Variants in PPP2R3A observed in about 807,000 individuals in gnomAD.
PPP2R3A encodes protein phosphatase 2 regulatory subunit B''alpha, also known as serine/threonine-protein phosphatase 2A regulatory subunit B'' subunit alpha.
A neutral mutation model predicts 106.9 loss-of-function variants in PPP2R3A; 80 were observed. The ratio of observed to expected loss-of-function variants is 0.75; its 90% CI spans 0.62 to 0.90. The LOEUF (loss-of-function observed/expected upper bound fraction) is 0.90, where lower values mean the gene tolerates loss of function less well. Ranked by LOEUF, PPP2R3A falls within the 40% of genes least tolerant of loss-of-function variation. The pLI, the probability that PPP2R3A is intolerant of heterozygous loss-of-function variation, is 0.00. For synonymous variants in PPP2R3A, 483 were observed against 468.3 expected (o/e 1.03, Z -0.41); for missense variants, 1,386 against 1,350.4 (o/e 1.03, Z -0.41).
At chr3:136,131,613 C>T (rs1938420188) in intron 13 of PPP2R3A, among the ~76,000 whole-genome samples, 1 of 152,156 alleles carries the variant, frequency 6.6e-6, no homozygotes, top group Admixed American at 6.5e-5. Context: ...GGCGATTCCT[C>T]AACGATCTAG....
chr3:136,093,905 T>C (rs1219224734), intron 10 of PPP2R3A, among the ~76,000 whole-genome samples: 1 of 152,222 alleles, frequency 6.6e-6, no homozygotes, highest in Non-Finnish European at 1.5e-5. Flanking sequence ...TCAAGATATA[T>C]GAAAACATGT....
At position 136,106,224 on chromosome 3, in the gene PPP2R3A, G is replaced by C. The variant is rs372174514; in HGVS notation, c.3231G>C (p.Glu1077Asp). ...GTCTTCTTTCCAATCAGGATGTTGA[G>C]AACGATGGGCCTGAGCCCTCAGACT... is the stretch of plus-strand genomic sequence containing the variant. ...RDPFAVQKDV[E>D]NDGPEPSDWD... The change falls in exon 13 of 14, where the codon GAG becomes GAC. Residue 1077 changes from glutamate (E) to aspartate (D), a missense_variant. Transcript: ENST00000264977. 2 of 1,603,800 alleles carry C rather than the reference G, an allele frequency of 1.2e-6. No homozygotes were observed. Among genetic ancestry groups the C allele is most frequent in the African/African-American group, 2.7e-5 (2 of 74,074 alleles).
chr3:136,060,039 C>T (rs1472553190), intron 5 of PPP2R3A, among the ~76,000 whole-genome samples: 1 of 152,080 alleles, frequency 6.6e-6, no homozygotes, highest in African/African-American at 2.4e-5. Flanking sequence ...GTTAATGGGC[C>T]TAATACCTGG....
At position 135,970,844 on chromosome 3, in the gene PPP2R3A, G is replaced by T. The variant is rs139804685; in HGVS notation, c.-441+4995G>T. Among the ~76,000 whole-genome samples the T allele has an allele frequency of 1.4e-3, 215 of 152,274 alleles. 2 individuals are homozygous for T. In the East Asian group the frequency reaches 0.034, roughly 24 times the overall value. On this transcript the variant is annotated intron_variant, in intron 1 of 13. Coordinates refer to ENST00000264977, the MANE Select transcript of PPP2R3A (RefSeq NM_002718.5). The stretch of plus-strand genomic sequence containing the variant: ...TTACCCCTCTCCCACGTTCTTAGGG[G>T]TCTTGTTTTGGAGACTACTTTTTAC...
intron 13 of PPP2R3A, among the ~76,000 whole-genome samples, chr3:136,115,843 C>T: frequency 6.6e-6 from 1 of 151,926 alleles, no homozygotes; most frequent in Non-Finnish European, 1.5e-5. Flanking sequence ...TCCAGGAGAA[C>T]TTTCCAAACC....
intron 5 of PPP2R3A, among the ~76,000 whole-genome samples, chr3:136,053,547 G>A (rs970265053): frequency 8.5e-5 from 13 of 152,110 alleles, no homozygotes; most frequent in Admixed American, 5.2e-4. Flanking sequence ...CTGAAGGTCG[G>A]TATACACAAC....
chr3:136,026,409 A>G (rs537975275), intron 2 of PPP2R3A, among the ~76,000 whole-genome samples: 1 of 152,332 alleles, frequency 6.6e-6, no homozygotes, highest in African/African-American at 2.4e-5. Context: ...ATATATATTT[A>G]AAAGGAACTT....
intron 13 of PPP2R3A, among the ~76,000 whole-genome samples, chr3:136,125,584 C>T (rs1465431275): frequency 2.0e-5 from 3 of 152,084 alleles, no homozygotes; most frequent in East Asian, 1.9e-4. Flanking sequence ...TGGTGGCTCA[C>T]GCCTGTAATC....
intron 1 of PPP2R3A, among the ~76,000 whole-genome samples, chr3:136,000,429 G>C (rs1313801987): frequency 6.6e-6 from 1 of 152,162 alleles, no homozygotes; most frequent in African/African-American, 2.4e-5. Context: ...CTGTCCACTT[G>C]ATGCAGAGAG....
intron 1 of PPP2R3A, among the ~76,000 whole-genome samples, chr3:135,985,042 C>G (rs748197764): frequency 1.3e-5 from 2 of 152,114 alleles, no homozygotes; most frequent in African/African-American, 4.8e-5. Flanking sequence ...ATCTCCCTCC[C>G]GCAACATGTG....
At chr3:136,137,321 A>T (rs1938657908) in intron 13 of PPP2R3A, among the ~76,000 whole-genome samples, 1 of 152,106 alleles carries the variant, frequency 6.6e-6, no homozygotes, top group Admixed American at 6.5e-5. Flanking sequence ...ATCCAGGGAT[A>T]ACCATTATTT....
intron 1 of PPP2R3A, among the ~76,000 whole-genome samples, chr3:136,000,781 TA>T (rs1162494903): frequency 6.6e-6 from 1 of 152,206 alleles, no homozygotes. Context: ...AAATGCCGTG[TA>T]AATCTAAGCT....
intron 6 of PPP2R3A, among the ~76,000 whole-genome samples, chr3:136,071,574 A>C (rs1936430734): frequency 6.6e-6 from 1 of 152,112 alleles, no homozygotes; most frequent in Non-Finnish European, 1.5e-5. Flanking sequence ...GTTTATTTTT[A>C]ATTGGTCTCC....
At chr3:136,133,890 CAAAAAAAA>C (rs34515503) in intron 13 of PPP2R3A, among the ~76,000 whole-genome samples, 3 of 55,440 alleles carry the variant, frequency 5.4e-5, no homozygotes, top group Non-Finnish European at 1.2e-4. Flanking sequence ...AACTCCATCT[CAAAAAAAA>C]AAAAAAAAAA....
intron 10 of PPP2R3A, among the ~76,000 whole-genome samples, chr3:136,099,383 A>G (rs1337809210): frequency 6.6e-6 from 1 of 152,184 alleles, no homozygotes; most frequent in Admixed American, 6.6e-5. Context: ...CTTGGATGAA[A>G]CAGACTTTCA....
intron 1 of PPP2R3A, among the ~76,000 whole-genome samples, chr3:135,971,830 C>T (rs1185452358): frequency 2.0e-5 from 3 of 152,022 alleles, no homozygotes; most frequent in African/African-American, 4.8e-5. Flanking sequence ...GCCTGGCTGG[C>T]AGTATATAGA....
intron 13 of PPP2R3A, among the ~76,000 whole-genome samples, chr3:136,131,225 A>G (rs898796810): frequency 2.0e-5 from 3 of 152,216 alleles, no homozygotes; most frequent in African/African-American, 7.2e-5. Flanking sequence ...CAGAGTGAAC[A>G]GGCAACCTAC....
At chr3:136,045,142 C>T (rs1935428595) in intron 4 of PPP2R3A, among the ~76,000 whole-genome samples, 1 of 152,218 alleles carries the variant, frequency 6.6e-6, no homozygotes, top group Admixed American at 6.5e-5. Context: ...CCACCAGCCC[C>T]TCCCAGGGCT....
In PPP2R3A at chr3:136,105,424, A is replaced by G. The variant is rs139060016; in HGVS notation, c.3223-792A>G. 7.5e-3 allele frequency among the ~76,000 whole-genome samples: 1,140 copies of G among 152,278 alleles called. 18 individuals are homozygous for G. Among genetic ancestry groups the G allele is most frequent in the African/African-American group, 0.026 (1,076 of 41,560 alleles). On this transcript the variant is annotated intron_variant, in intron 12 of 13. Coordinates refer to ENST00000264977, the MANE Select transcript of PPP2R3A (RefSeq NM_002718.5). The stretch of plus-strand genomic sequence containing the variant: ...GAGGATCACTTGAGGCCAGGGGTTC[A>G]AGACCAGCCTGGGCAACATAGTGAG...
Sources: gnomAD v4.1 joint callset for allele counts (sites outside exome capture counted in the v4.1 genomes callset) on GRCh38, gnomAD v4.1.1 for gene constraint, MANE v1.5 for transcripts, NCBI Gene and HGNC (gene_info 2026-07-23, HGNC 2026-07-21) for gene names.